MALRD1: variants seen among roughly 807,000 people sequenced by gnomAD.
MALRD1 encodes MAM and LDL-receptor class A domain-containing protein 1.
Under a neutral mutation model 242.1 loss-of-function variants are expected in MALRD1, and 247 were observed. The observed-to-expected ratio is 1.02, with a 90% CI of 0.92 to 1.13. The LOEUF is 1.13. MALRD1 is among the 50% of genes most tolerant of loss of function. The probability of loss-of-function intolerance (pLI) is 0.00; values close to 1 mark genes in which losing one functional copy is unlikely to be tolerated. For synonymous variants in MALRD1, 995 were observed against 866.6 expected, an observed-to-expected ratio of 1.15 and a Z score of -2.60; for missense variants, 2,989 against 2,533.1, an observed-to-expected ratio of 1.18 and a Z score of -3.86.
At chr10:19,230,054 C>T (rs564940133) in intron 18 of MALRD1, among the ~76,000 whole-genome samples, 2 of 152,182 alleles carry the variant, frequency 1.3e-5, no homozygotes, top group Admixed American at 6.5e-5. Context: ...TAAGGCGAAA[C>T]CCCTTTCGCC....
intron 28 of MALRD1, among the ~76,000 whole-genome samples, chr10:19,433,771 C>T (rs1352804186): frequency 2.0e-5 from 3 of 152,044 alleles, no homozygotes; most frequent in Non-Finnish European, 2.9e-5. Context: ...ACTGTGACCA[C>T]TGTGTAGACA....
intron 5 of MALRD1, among the ~76,000 whole-genome samples, chr10:19,122,858 TG>T (rs1307687027): frequency 6.6e-6 from 1 of 152,108 alleles, no homozygotes; most frequent in African/African-American, 2.4e-5. Flanking sequence ...CCCTAGTAGC[TG>T]GGATTATGGA....
At chr10:19,327,471 TAAAA>T in intron 22 of MALRD1, 88 bp from the exon 23 acceptor site, 1 of 816,316 alleles carries the variant, frequency 1.2e-6, no homozygotes, top group South Asian at 2.0e-5. Context: ...ATATTGCAAC[TAAAA>T]AAAAAAAAAT....
At chr10:19,432,454 C>G (rs566687365) in intron 28 of MALRD1, among the ~76,000 whole-genome samples, 1 of 152,248 alleles carries the variant, frequency 6.6e-6, no homozygotes, top group East Asian at 1.9e-4. Flanking sequence ...TTTGAGTCAA[C>G]TTTTAGCCAG....
intron 28 of MALRD1, among the ~76,000 whole-genome samples, chr10:19,434,173 T>G (rs908171857): frequency 6.6e-6 from 1 of 152,186 alleles, no homozygotes; most frequent in Non-Finnish European, 1.5e-5. Flanking sequence ...TAAATAAATA[T>G]TTCAGATTTA....
chr10:19,176,497 C>A (rs1055759674), intron 14 of MALRD1, among the ~76,000 whole-genome samples: 8 of 149,114 alleles, frequency 5.4e-5, no homozygotes, highest in African/African-American at 1.7e-4. Flanking sequence ...GCCTCAGCCT[C>A]CCGAGTAGCT....
At chr10:19,473,500 A>G (rs539232644) in intron 29 of MALRD1, among the ~76,000 whole-genome samples, 1 of 151,884 alleles carries the variant, frequency 6.6e-6, no homozygotes, top group African/African-American at 2.4e-5. Flanking sequence ...CCAGCCCCTG[A>G]TGTCTACCAT....
intron 28 of MALRD1, among the ~76,000 whole-genome samples, chr10:19,391,374 G>A (rs1349770851): frequency 2.0e-5 from 3 of 152,148 alleles, no homozygotes; most frequent in South Asian, 2.1e-4. Flanking sequence ...AATAAGATAT[G>A]TATTTTCAAC....
In MALRD1 at chr10:19,190,274, T is replaced by TA. The variant is rs200154791; in HGVS notation, c.1952-13448dup. ...GGTGAAAGACTTGTACAATAAAAAA[T>TA]AAAAAACATTTCTGAAATAAATTTT... On this transcript the variant is annotated intron_variant, in intron 14 of 39. Transcript: ENST00000454679. 4.9e-3 allele frequency among the ~76,000 whole-genome samples: 739 copies of TA among 152,000 alleles called. 8 individuals are homozygous for TA. The highest frequency in any genetic ancestry group is 0.017 in the African/African-American group (705 of 41,530).
Position 19,059,419 on chromosome 10 carries a change from GCT to G in MALRD1, c.200-7297_200-7296del, listed in dbSNP as rs1354231322. Among the ~76,000 whole-genome samples the G allele has an allele frequency of 3.3e-5, 5 of 151,908 alleles. 1 individual carries two copies. Among genetic ancestry groups the G allele is most frequent in the Admixed American group, 2.0e-4 (3 of 15,228 alleles). ...GTTTTGTTTTTTGAGATGGATTCTT[GCT>G]CTGTTGCCCAGGCTGGAGTGCAGTG... On this transcript the variant is annotated intron_variant, in intron 1 of 39. Coordinates refer to ENST00000454679, the MANE Select transcript of MALRD1 (RefSeq NM_001142308.3).
intron 28 of MALRD1, among the ~76,000 whole-genome samples, chr10:19,402,274 A>G (rs1589026654): frequency 6.6e-6 from 1 of 152,098 alleles, no homozygotes; most frequent in African/African-American, 2.4e-5. Context: ...ACGTAGCAAG[A>G]CCCCATGATA....
intron 32 of MALRD1, among the ~76,000 whole-genome samples, chr10:19,545,453 A>G (rs182272753): frequency 6.6e-6 from 1 of 152,156 alleles, no homozygotes; most frequent in Non-Finnish European, 1.5e-5. Flanking sequence ...TTGGTTGGGT[A>G]TAGATTTCTA....
chr10:19,612,787 A>T (rs1838960413), intron 35 of MALRD1, among the ~76,000 whole-genome samples: 1 of 151,842 alleles, frequency 6.6e-6, no homozygotes, highest in South Asian at 2.1e-4. Context: ...ACTTTCAAAA[A>T]ACCAGATCTC....
chr10:19,224,355 C>T (rs557013817), intron 18 of MALRD1, among the ~76,000 whole-genome samples: 3 of 148,088 alleles, frequency 2.0e-5, no homozygotes, highest in East Asian at 4.0e-4. Flanking sequence ...GGCACAATTT[C>T]GGCTCACTGC....
At chr10:19,572,128 G>T (rs1005598249) in intron 33 of MALRD1, among the ~76,000 whole-genome samples, 1 of 152,026 alleles carries the variant, frequency 6.6e-6, no homozygotes, top group Non-Finnish European at 1.5e-5. Flanking sequence ...TTTACCTTCC[G>T]CATTATTACT....
chr10:19,521,158 TATCTC>T (rs1033214693), intron 31 of MALRD1, among the ~76,000 whole-genome samples: 5 of 152,110 alleles, frequency 3.3e-5, no homozygotes, highest in African/African-American at 1.2e-4. Context: ...TCAGATGAAT[TATCTC>T]ATCGTTTTAT....
intron 29 of MALRD1, among the ~76,000 whole-genome samples, chr10:19,463,380 ATGCATCCTC>A (rs61515073): frequency 0.81 from 122,208 of 150,610 alleles, 49,712 homozygotes; most frequent in East Asian, 0.95. Flanking sequence ...TTATGATACA[ATGCATCCTC>A]TGCATCCTCT....
chr10:19,580,941 A>C (rs12240902), intron 33 of MALRD1, among the ~76,000 whole-genome samples: 2 of 152,008 alleles, frequency 1.3e-5, no homozygotes, highest in East Asian at 1.9e-4. Context: ...ATAGAGGTCA[A>C]ATAGAGGTCA....
At chr10:19,592,283 C>G (rs1189061956) in intron 33 of MALRD1, among the ~76,000 whole-genome samples, 1 of 152,194 alleles carries the variant, frequency 6.6e-6, no homozygotes, top group Non-Finnish European at 1.5e-5. Context: ...TGGGGTTTAG[C>G]TGTGATGCAG....
Sources: allele counts gnomAD v4.1 joint callset (sites outside exome capture counted in the v4.1 genomes callset), GRCh38; gene constraint gnomAD v4.1.1; transcripts MANE v1.5; gene names NCBI Gene and HGNC (gene_info 2026-07-23, HGNC 2026-07-21).